Variants in PRKCH observed in about 807,000 individuals in gnomAD.
The protein encoded by PRKCH is protein kinase C eta type.
A neutral mutation model predicts 82.5 loss-of-function variants in PRKCH; 28 were observed. That is an observed-to-expected ratio of 0.34 (90% CI 0.25 to 0.47). PRKCH has a LOEUF of 0.47. Among genes scored for constraint, PRKCH ranks in the 20% least tolerant of loss-of-function variants. The probability of loss-of-function intolerance (pLI) is 1.00; values close to 1 mark genes in which losing one functional copy is unlikely to be tolerated. For missense variants in PRKCH, 705 were observed against 881.8 expected (o/e 0.80, Z 2.54); for synonymous variants, 322 against 327.4 (o/e 0.98, Z 0.18).
intron 1 of PRKCH, among the ~76,000 whole-genome samples, chr14:61,224,402 A>G (rs2044679550): frequency 6.6e-6 from 1 of 152,070 alleles, no homozygotes; most frequent in African/African-American, 2.4e-5. Context: ...ATATTTCACT[A>G]GTTTTTCCAT....
At chr14:61,457,082 G>A (rs535108208) in intron 7 of PRKCH, 94 bp from the exon 8 acceptor site, 17 of 1,401,194 alleles carry the variant, frequency 1.2e-5, no homozygotes, top group Middle Eastern at 4.1e-4. Context: ...TATACTGGGG[G>A]TGAGACTGCT....
intron 1 of PRKCH, among the ~76,000 whole-genome samples, chr14:61,221,917 G>C (rs2044658862): frequency 6.6e-6 from 1 of 152,176 alleles, no homozygotes; most frequent in Admixed American, 6.5e-5. Context: ...AAGGCAGCCT[G>C]GGAGAATATT....
chr14:61,489,683 C>A (rs1439284557), intron 10 of PRKCH, among the ~76,000 whole-genome samples: 1 of 152,226 alleles, frequency 6.6e-6, no homozygotes, highest in Non-Finnish European at 1.5e-5. Context: ...AAAAAGAAGA[C>A]TATTCATTCT....
intron 1 of PRKCH, among the ~76,000 whole-genome samples, chr14:61,385,397 G>A (rs557129363): frequency 6.6e-6 from 1 of 152,278 alleles, no homozygotes; most frequent in South Asian, 2.1e-4. Context: ...AGGTTTTTAT[G>A]AAGGTTTTGA....
chr14:61,512,474 A>G (rs1267601250), intron 10 of PRKCH, among the ~76,000 whole-genome samples: 1 of 152,112 alleles, frequency 6.6e-6, no homozygotes, highest in African/African-American at 2.4e-5. Context: ...AAAAGAAATG[A>G]GTTCCATATG....
chr14:61,234,227 A>G (rs1319097989), intron 1 of PRKCH, among the ~76,000 whole-genome samples: 2 of 152,220 alleles, frequency 1.3e-5, no homozygotes, highest in African/African-American at 4.8e-5. Flanking sequence ...CATAAGGTTG[A>G]AAAACACAGT....
chr14:61,487,430 C>A (rs1261940653), intron 10 of PRKCH, among the ~76,000 whole-genome samples: 1 of 152,112 alleles, frequency 6.6e-6, no homozygotes, highest in African/African-American at 2.4e-5. Context: ...TTCCCACTCT[C>A]CACTTTCTTT....
At chr14:61,529,676 A>T (rs1033705670) in intron 11 of PRKCH, among the ~76,000 whole-genome samples, 1 of 142,338 alleles carries the variant, frequency 7.0e-6, no homozygotes, top group African/African-American at 2.6e-5. Flanking sequence ...AACACCGCAT[A>T]TTCTCACTCA....
chr14:61,230,955 A>T (rs1056953965), intron 1 of PRKCH, among the ~76,000 whole-genome samples: 1 of 152,254 alleles, frequency 6.6e-6, no homozygotes, highest in Non-Finnish European at 1.5e-5. Context: ...TCCACCATCA[A>T]TTTAATTTAG....
At chr14:61,331,706 C>T (rs1461053035) in intron 1 of PRKCH, among the ~76,000 whole-genome samples, 1 of 152,182 alleles carries the variant, frequency 6.6e-6, no homozygotes, top group African/African-American at 2.4e-5. Context: ...CTGCACTAAA[C>T]GGTCTCCAAA....
intron 2 of PRKCH, among the ~76,000 whole-genome samples, chr14:61,397,118 A>T (rs1414722871): frequency 2.0e-5 from 3 of 152,162 alleles, no homozygotes; most frequent in Non-Finnish European, 2.9e-5. Context: ...GGGCAAGATT[A>T]TTAGGGCCTG....
chr14:61,262,287 G>A (rs896341387), intron 1 of PRKCH, among the ~76,000 whole-genome samples: 26 of 150,600 alleles, frequency 1.7e-4, no homozygotes, highest in African/African-American at 5.7e-4. Flanking sequence ...CAGCCCAGAC[G>A]TCCATTCATA....
intron 1 of PRKCH, among the ~76,000 whole-genome samples, chr14:61,346,011 A>G (rs932122516): frequency 1.3e-5 from 2 of 152,188 alleles, no homozygotes; most frequent in Admixed American, 1.3e-4. Flanking sequence ...TTTGCCTTTT[A>G]AGGCTATATG....
At chr14:61,335,995 C>G (rs2045852583) in intron 1 of PRKCH, among the ~76,000 whole-genome samples, 1 of 152,190 alleles carries the variant, frequency 6.6e-6, no homozygotes, top group Non-Finnish European at 1.5e-5. Flanking sequence ...CCCTGCAAGC[C>G]TGTTCTCTCA....
chr14:61,452,863 C>T, intron 6 of PRKCH: 1 of 240,318 alleles, frequency 4.2e-6, no homozygotes, highest in South Asian at 5.4e-5. Context: ...TGACATGATT[C>T]TTTGTTATTT....
intron 1 of PRKCH, among the ~76,000 whole-genome samples, chr14:61,248,470 T>A (rs1297888088): frequency 6.6e-6 from 1 of 152,128 alleles, no homozygotes; most frequent in Non-Finnish European, 1.5e-5. Context: ...GAAGGGCAGA[T>A]GGAGGGGGTG....
At chr14:61,499,610 G>A (rs1316459139) in intron 10 of PRKCH, among the ~76,000 whole-genome samples, 2 of 152,078 alleles carry the variant, frequency 1.3e-5, no homozygotes, top group African/African-American at 4.8e-5. Flanking sequence ...TGGCATTTGC[G>A]TCAAAATTTA....
intron 1 of PRKCH, chr14:61,303,168 A>C (rs1476251762): frequency 2.6e-5 from 4 of 152,124 alleles, no homozygotes; most frequent in Admixed American, 6.6e-5. Flanking sequence ...CTACAGCTAC[A>C]GATGTCTATC....
chr14:61,481,063 C>T (rs1170125882), intron 9 of PRKCH, among the ~76,000 whole-genome samples: 1 of 152,172 alleles, frequency 6.6e-6, no homozygotes, highest in African/African-American at 2.4e-5. Flanking sequence ...CTCGGTGTCC[C>T]CATAACACCT....
Sources: gnomAD v4.1 joint callset for allele counts (sites outside exome capture counted in the v4.1 genomes callset) on GRCh38, gnomAD v4.1.1 for gene constraint, MANE v1.5 for transcripts, NCBI Gene and HGNC (gene_info 2026-07-23, HGNC 2026-07-21) for gene names.